ZNF24: variants seen among roughly 807,000 people sequenced by gnomAD.
ZNF24 encodes retinoic acid suppression protein A.
ZNF24 carries 11 observed loss-of-function variants against 40.9 expected under a neutral mutation model. That is an observed-to-expected ratio of 0.27 (90% CI 0.17 to 0.45). ZNF24 has a LOEUF of 0.45. ZNF24 is among the 20% of genes least tolerant of loss of function. The probability of loss-of-function intolerance (pLI) is 1.00; values close to 1 mark genes in which losing one functional copy is unlikely to be tolerated. For missense variants in ZNF24, 293 were observed against 437.7 expected, an observed-to-expected ratio of 0.67 and a Z score of 2.95; for synonymous variants, 139 against 154.7, an observed-to-expected ratio of 0.90 and a Z score of 0.75.
chr18:35,341,962 C>G (rs1303599425), intron 1 of ZNF24, among the ~76,000 whole-genome samples: 1 of 152,168 alleles, frequency 6.6e-6, no homozygotes, highest in Non-Finnish European at 1.5e-5. Context: ...CTTTGGGAGG[C>G]TGAGGCAGGC....
chr18:35,342,244 G>C (rs1292502062), intron 1 of ZNF24, among the ~76,000 whole-genome samples: 1 of 151,602 alleles, frequency 6.6e-6, no homozygotes, highest in Non-Finnish European at 1.5e-5. Flanking sequence ...AAATATATTT[G>C]TACAGCTGTA....
intron 1 of ZNF24, chr18:35,342,500 C>T (rs2044978678): frequency 6.6e-6 from 1 of 151,728 alleles, no homozygotes; most frequent in Admixed American, 6.6e-5. Flanking sequence ...ACTTCCAATC[C>T]AGCGAGGTCC....
chr18:35,333,598 A>C lies in ZNF24; in HGVS notation c.*3634T>G, dbSNP rs1301001148. On this transcript the variant is annotated 3_prime_UTR_variant, in exon 4 of 4. Coordinates refer to ENST00000261332, the MANE Select transcript of ZNF24 (RefSeq NM_006965.4). ...ATTAATATTCAAAGAAAAGAAAGAA[A>C]TTTTGCCTACCAGATTGGCAAAAAT... is the stretch of plus-strand genomic sequence containing the variant. 1 of 152,198 alleles carries C rather than the reference A, an allele frequency of 6.6e-6. No homozygotes were observed. Among genetic ancestry groups the C allele is most frequent in the Admixed American group, 6.5e-5 (1 of 15,278 alleles). The allele number at this position is 152,198 out of a possible 1,614,324, so 9.4% of individuals were successfully genotyped here. A position where few individuals can be genotyped will look rare whatever the true frequency, so the allele number is the denominator to read the frequency against.
rs542144114 is a variant in ZNF24, at chr18:35,339,848, G to A, written c.549C>T (p.Leu183=). Residue 183 remains leucine (L), a synonymous_variant, in exon 3 of 4, where the codon CTC becomes CTT. Coordinates refer to ENST00000261332, the MANE Select transcript of ZNF24 (RefSeq NM_006965.4). ...ENQLKWASWE[L]HSLRHCDDDG... ...CCTCACCACAGTGCCTTAGGGAATG[G>A]AGCTCCCAGGATGCCCACTTGAGCT... 3 of 1,609,008 alleles carry A rather than the reference G, an allele frequency of 1.9e-6. No homozygotes were observed. Among genetic ancestry groups the A allele is most frequent in the South Asian group, 1.1e-5 (1 of 90,942 alleles).
At position 35,337,212 on chromosome 18, in the gene ZNF24, CTTTT is replaced by C. The variant is rs371928337; in HGVS notation, c.*16_*19del. Reference sequence around the variant, plus strand: ...GAAGAAAAAGACCTGAGTGCTGATTCTTTTTTTTTTTTCAATTTCTTAAACTTTC... The same window carrying C: ...GAAGAAAAAGACCTGAGTGCTGATTCTTTTTTTTCAATTTCTTAAACTTTC... On this transcript the variant is annotated 3_prime_UTR_variant, in exon 4 of 4. Transcript: ENST00000261332. The C allele has an allele frequency of 9.7e-5, 103 of 1,058,058 alleles. No homozygotes were observed. Among genetic ancestry groups the C allele is most frequent in the Non-Finnish European group, 1.3e-4 (101 of 786,706 alleles). The allele number at this position is 1,058,058 out of a possible 1,614,324, so 65.5% of individuals were successfully genotyped here.
chr18:35,339,217 C>G (rs773922080), intron 3 of ZNF24: 1 of 550,596 alleles, frequency 1.8e-6, no homozygotes, highest in Non-Finnish European at 3.1e-6. Flanking sequence ...AAAGACTGGT[C>G]TCGTGAATTA....
intron 3 of ZNF24, chr18:35,338,155 G>C (rs1268990490): frequency 1.0e-6 from 1 of 985,800 alleles, no homozygotes; most frequent in East Asian, 1.1e-4. Flanking sequence ...CTTTTACTTT[G>C]AGAAAGGGAG....
chr18:35,338,141 T>C, intron 3 of ZNF24: 1 of 982,052 alleles, frequency 1.0e-6, no homozygotes, highest in Non-Finnish European at 1.2e-6. Flanking sequence ...ATCATTATAA[T>C]GTTCTTTTAC....
At position 35,336,432 on chromosome 18, in the gene ZNF24, T is replaced by A. The variant is rs1169566516; in HGVS notation, c.*800A>T. 1 of 152,222 alleles carries A rather than the reference T, an allele frequency of 6.6e-6. No individual in the cohort carries two copies. Among genetic ancestry groups the A allele is most frequent in the Non-Finnish European group, 1.5e-5 (1 of 68,030 alleles). 9.4% of individuals were successfully genotyped at this position (152,222 alleles called of 1,614,324 possible). ...CTGCCATCCGCTACAAATTTTTCCC[T>A]AGTGTTATAATTTCTACCTTCATTA... On this transcript the variant is annotated 3_prime_UTR_variant, in exon 4 of 4. Coordinates refer to ENST00000261332, the MANE Select transcript of ZNF24 (RefSeq NM_006965.4).
chr18:35,342,971 T>C (rs2044983326), intron 1 of ZNF24, among the ~76,000 whole-genome samples: 1 of 152,208 alleles, frequency 6.6e-6, no homozygotes, highest in African/African-American at 2.4e-5. Context: ...GAACGCATTA[T>C]TTCCAATTCA....
Position 35,337,013 on chromosome 18 carries a change from G to T in ZNF24, c.*219C>A. On this transcript the variant is annotated 3_prime_UTR_variant, in exon 4 of 4. Transcript: ENST00000261332. ...ATCACATGGAAAATTTAGGCATTAAGACCTGAATTAAGTTTAAAATTTCAG... is the reference window on the plus strand; with the variant it reads ...ATCACATGGAAAATTTAGGCATTAATACCTGAATTAAGTTTAAAATTTCAG... 2.4e-6 allele frequency: 1 copy of T among 408,542 alleles called. No homozygotes were observed. Among genetic ancestry groups the T allele is most frequent in the Non-Finnish European group, 4.3e-6 (1 of 233,234 alleles). 25.3% of individuals were successfully genotyped at this position (408,542 alleles called of 1,614,324 possible).
chr18:35,338,188 T>C (rs2044930341), intron 3 of ZNF24: 3 of 986,628 alleles, frequency 3.0e-6, no homozygotes, highest in African/African-American at 1.7e-5. Flanking sequence ...AATACAAAGA[T>C]GTAAATTAGA....
In ZNF24 at chr18:35,340,221, G is replaced by A. The variant is rs535053891; in HGVS notation, c.420+10C>T. The A allele has an allele frequency of 1.2e-6, 2 of 1,607,336 alleles. No homozygotes were observed. The highest frequency in any genetic ancestry group is 1.7e-5 in the Admixed American group (1 of 59,916). On this transcript the variant is annotated intron_variant, in intron 2 of 3. Coordinates refer to ENST00000261332, the MANE Select transcript of ZNF24 (RefSeq NM_006965.4). This position sits in a 1 kb window ranked among gnomAD's most constrained non-coding sequence, Gnocchi z 4.6. ...GCTTCTGACACAGGAAATGACACAA[G>A]CAGGCTCACCGGTTGTCCAGGGTCA...
rs2044890831 is a variant in ZNF24, at chr18:35,334,889, A to C, written c.*2343T>G. The stretch of plus-strand genomic sequence containing the variant: ...TTTTGGTCCAGTCCCTTTTTCCCAC[A>C]GAGCTTTGCCTTAGCCTCAGAATCC... On this transcript the variant is annotated 3_prime_UTR_variant, in exon 4 of 4. Coordinates refer to ENST00000261332, the MANE Select transcript of ZNF24 (RefSeq NM_006965.4). The C allele has an allele frequency of 1.3e-5, 2 of 152,204 alleles. No homozygotes were observed. Among genetic ancestry groups the C allele is most frequent in the African/African-American group, 4.8e-5 (2 of 41,428 alleles). 9.4% of individuals were successfully genotyped at this position (152,204 alleles called of 1,614,324 possible). A position where few individuals can be genotyped will look rare whatever the true frequency, so the allele number is the denominator to read the frequency against.
intron 1 of ZNF24, among the ~76,000 whole-genome samples, chr18:35,343,277 C>T (rs1040220829): frequency 1.1e-4 from 16 of 152,158 alleles, no homozygotes; most frequent in African/African-American, 3.9e-4. Flanking sequence ...AGGCATTAAT[C>T]ACAGAAACTT....
chr18:35,340,849 C>G lies in ZNF24; in HGVS notation c.-83-116G>C, dbSNP rs2044962823. The G allele has an allele frequency of 1.8e-6, 1 of 568,056 alleles. No homozygotes were observed. The highest frequency in any genetic ancestry group is 3.1e-5 in the East Asian group (1 of 32,606). The allele number at this position is 568,056 out of a possible 1,614,324, so 35.2% of individuals were successfully genotyped here. ...TTGAGTTAAAAATTCCAATCAATAA[C>G]CTACACCAGGAATTGGCAAACTACA... On this transcript the variant is annotated intron_variant, in intron 1 of 3. Coordinates refer to ENST00000261332, the MANE Select transcript of ZNF24 (RefSeq NM_006965.4). The surrounding 1 kb of genome is among the most constrained non-coding windows in gnomAD (Gnocchi z 4.6).
chr18:35,341,793 AG>A (rs1233239490), intron 1 of ZNF24, among the ~76,000 whole-genome samples: 1 of 152,070 alleles, frequency 6.6e-6, no homozygotes, highest in African/African-American at 2.4e-5. Flanking sequence ...CTGAGGCAGG[AG>A]GATCACTAAA....
At chr18:35,343,705 C>T (rs560119375) in intron 1 of ZNF24, 2 of 152,340 alleles carry the variant, frequency 1.3e-5, no homozygotes, top group Admixed American at 1.3e-4. Flanking sequence ...GCAAGTATTT[C>T]TACATAATTT....
rs2044939043 is a variant in ZNF24 at position 35,338,927 on chromosome 18, C to T, written c.568+902G>A. 5 of 1,472,638 alleles carry T rather than the reference C, an allele frequency of 3.4e-6. No individual in the cohort carries two copies. In the Admixed American group the frequency reaches 1.2e-4, roughly 37 times the overall value. 91.2% of individuals were successfully genotyped at this position (1,472,638 alleles called of 1,614,324 possible). ...TTGCACAGAAGAATGTCCCATGAAA[C>T]ATGTAAAACTGCAGATTTTCAGCAG... On this transcript the variant is annotated intron_variant, in intron 3 of 3. Coordinates refer to ENST00000261332, the MANE Select transcript of ZNF24 (RefSeq NM_006965.4).
Sources: allele counts gnomAD v4.1 joint callset (sites outside exome capture counted in the v4.1 genomes callset), GRCh38; gene constraint gnomAD v4.1.1; non-coding constraint Gnocchi (gnomAD v3.1); transcripts MANE v1.5; gene names NCBI Gene and HGNC (gene_info 2026-07-23, HGNC 2026-07-21).